Variants in ANKS1B observed in about 807,000 individuals in gnomAD.
ANKS1B encodes the protein ankyrin repeat and sterile alpha motif domain containing 1B.
In ANKS1B, 36 loss-of-function variants were observed where a neutral mutation model predicts 148.3. The observed-to-expected ratio is 0.24, with a 90% CI of 0.19 to 0.32. The LOEUF (loss-of-function observed/expected upper bound fraction) is 0.32, where lower values mean the gene tolerates loss of function less well. ANKS1B is among the 10% of genes least tolerant of loss of function. The probability of loss-of-function intolerance (pLI) is 1.00; values close to 1 mark genes in which losing one functional copy is unlikely to be tolerated. For missense variants in ANKS1B, 1,157 were observed against 1,542.6 expected, an observed-to-expected ratio of 0.75 and a Z score of 4.19; for synonymous variants, 542 against 560.8, an observed-to-expected ratio of 0.97 and a Z score of 0.47.
intron 9 of ANKS1B, among the ~76,000 whole-genome samples, chr12:99,594,858 A>G (rs2097741639): frequency 6.6e-6 from 1 of 151,644 alleles, no homozygotes; most frequent in Non-Finnish European, 1.5e-5. Flanking sequence ...AAGAAGGTAA[A>G]TCTGATGTTA....
At chr12:99,733,518 C>T (rs911487429) in intron 8 of ANKS1B, among the ~76,000 whole-genome samples, 2 of 152,176 alleles carry the variant, frequency 1.3e-5, no homozygotes, top group Non-Finnish European at 2.9e-5. Context: ...GTTCTAGGCA[C>T]TGAGCTACAA....
chr12:99,945,600 C>T (rs1454793333), intron 1 of ANKS1B, among the ~76,000 whole-genome samples: 1 of 152,154 alleles, frequency 6.6e-6, no homozygotes, highest in Non-Finnish European at 1.5e-5. Flanking sequence ...GTCTGCGAGG[C>T]AAGTCCTCAG....
intron 4 of ANKS1B, among the ~76,000 whole-genome samples, chr12:99,790,683 T>G (rs777149968): frequency 2.6e-5 from 4 of 152,050 alleles, no homozygotes; most frequent in Non-Finnish European, 5.9e-5. Flanking sequence ...GCAATCAGTG[T>G]CATCATCAGT....
intron 17 of ANKS1B, among the ~76,000 whole-genome samples, chr12:98,860,262 C>A (rs55960430): frequency 0.15 from 22,178 of 152,236 alleles, 1,925 homozygotes; most frequent in Admixed American, 0.21. Context: ...AAAGGGACCA[C>A]AAATTTCGCA....
chr12:99,892,298 CA>C (rs1321710234), intron 1 of ANKS1B, among the ~76,000 whole-genome samples: 1 of 152,140 alleles, frequency 6.6e-6, no homozygotes, highest in Non-Finnish European at 1.5e-5. Context: ...CCACCATGCC[CA>C]GCCCACAATA....
chr12:99,963,102 T>C (rs141378618), intron 1 of ANKS1B, among the ~76,000 whole-genome samples: 3,281 of 152,302 alleles, frequency 0.022, 125 homozygotes, highest in African/African-American at 0.074. Context: ...CGTGAGCCAC[T>C]GTGCCCGGCC....
chr12:99,391,670 C>G (rs1202725504), intron 12 of ANKS1B, among the ~76,000 whole-genome samples: 1 of 152,204 alleles, frequency 6.6e-6, no homozygotes, highest in Non-Finnish European at 1.5e-5. Context: ...GTCCCATGCA[C>G]TAGCTAACTA....
At chr12:99,126,195 G>A (rs1001913263) in intron 15 of ANKS1B, among the ~76,000 whole-genome samples, 10 of 152,072 alleles carry the variant, frequency 6.6e-5, no homozygotes, top group Non-Finnish European at 1.2e-4. Flanking sequence ...TGGGAGAAGC[G>A]AACATGGCTG....
At position 99,775,400 on chromosome 12, in the gene ANKS1B, T is replaced by G. The variant is rs1409394670; in HGVS notation, c.961+148A>C. ...TTTCTGCTTTGCTCACTACTGTATCTCAGGGCTGAGAAGCCCTAATCAGTA... is the reference window on the plus strand; with the variant it reads ...TTTCTGCTTTGCTCACTACTGTATCGCAGGGCTGAGAAGCCCTAATCAGTA... On this transcript the variant is annotated intron_variant, in intron 7 of 26. Coordinates refer to ENST00000683438, the MANE Select transcript of ANKS1B (RefSeq NM_001352186.2). 2.3e-5 allele frequency: 11 copies of G among 468,214 alleles called. No homozygotes were observed. The South Asian group carries it at 5.8e-4, about 25-fold the overall frequency. 29.0% of individuals were successfully genotyped at this position (468,214 alleles called of 1,614,324 possible). A position where few individuals can be genotyped will look rare whatever the true frequency, so the allele number is the denominator to read the frequency against.
chr12:99,964,628 G>C (rs2095461938), intron 1 of ANKS1B, among the ~76,000 whole-genome samples: 1 of 152,212 alleles, frequency 6.6e-6, no homozygotes, highest in South Asian at 2.1e-4. Flanking sequence ...AGGGTGAAGA[G>C]GGTGCCCATG....
At chr12:98,766,875 T>A (rs1393687149) in intron 25 of ANKS1B, among the ~76,000 whole-genome samples, 1 of 152,078 alleles carries the variant, frequency 6.6e-6, no homozygotes, top group Non-Finnish European at 1.5e-5. Flanking sequence ...AGTGCAGTGG[T>A]GCAATCACAG....
intron 9 of ANKS1B, among the ~76,000 whole-genome samples, chr12:99,638,756 G>T (rs1287953058): frequency 6.6e-6 from 1 of 152,166 alleles, no homozygotes; most frequent in East Asian, 1.9e-4. Context: ...ATTCACAGCA[G>T]CCCCTCCAAT....
intron 14 of ANKS1B, among the ~76,000 whole-genome samples, chr12:99,182,278 C>T (rs1035755992): frequency 3.9e-5 from 6 of 152,144 alleles, no homozygotes; most frequent in Non-Finnish European, 7.4e-5. Context: ...GTTCCCTCCC[C>T]CAACACATGG....
chr12:99,836,396 C>T (rs1432081231), intron 1 of ANKS1B, among the ~76,000 whole-genome samples: 1 of 151,906 alleles, frequency 6.6e-6, no homozygotes, highest in African/African-American at 2.4e-5. Context: ...TTACAAAAAG[C>T]ACATCAGGAG....
At chr12:99,544,769 C>T (rs2097157557) in intron 9 of ANKS1B, among the ~76,000 whole-genome samples, 2 of 152,148 alleles carry the variant, frequency 1.3e-5, no homozygotes, top group South Asian at 4.1e-4. Context: ...GTCTGAGACT[C>T]ACCTCCCAAC....
chr12:99,707,535 A>G (rs2055996748), intron 8 of ANKS1B, among the ~76,000 whole-genome samples: 1 of 152,092 alleles, frequency 6.6e-6, no homozygotes, highest in Non-Finnish European at 1.5e-5. Flanking sequence ...TCTAAAAAGC[A>G]TACATTCTAA....
intron 8 of ANKS1B, among the ~76,000 whole-genome samples, chr12:99,737,419 A>T (rs2059713216): frequency 6.6e-6 from 1 of 152,118 alleles, no homozygotes; most frequent in Admixed American, 6.6e-5. Flanking sequence ...ATGTTAAGTG[A>T]AATAAGCTAG....
intron 9 of ANKS1B, among the ~76,000 whole-genome samples, chr12:99,652,931 A>C (rs2098430714): frequency 6.6e-6 from 1 of 152,204 alleles, no homozygotes; most frequent in African/African-American, 2.4e-5. Context: ...GATGAATTAA[A>C]TGAAAAATAG....
intron 17 of ANKS1B, among the ~76,000 whole-genome samples, chr12:98,993,453 G>A (rs1354355265): frequency 1.3e-5 from 2 of 152,234 alleles, no homozygotes; most frequent in East Asian, 3.8e-4. Flanking sequence ...ACAGGCCTGA[G>A]CCACTGTGCC....
Sources: gnomAD v4.1 joint callset for allele counts (sites outside exome capture counted in the v4.1 genomes callset) on GRCh38, gnomAD v4.1.1 for gene constraint, MANE v1.5 for transcripts, NCBI Gene and HGNC (gene_info 2026-07-23, HGNC 2026-07-21) for gene names.